The following CNTN5 variants were observed in gnomAD, a reference collection of about 807,000 sequenced individuals.
CNTN5 encodes the protein contactin-5.
CNTN5 carries 77 observed loss-of-function variants against 129.1 expected under a neutral mutation model. The observed-to-expected ratio is 0.60, with a 90% CI of 0.50 to 0.72. The LOEUF (loss-of-function observed/expected upper bound fraction) is 0.72, where lower values mean the gene tolerates loss of function less well. Among genes scored for constraint, CNTN5 ranks in the 30% least tolerant of loss-of-function variants. The pLI, the probability that CNTN5 is intolerant of heterozygous loss-of-function variation, is 0.00. For synonymous variants in CNTN5, 509 were observed against 465.6 expected (o/e 1.09, Z -1.20); for missense variants, 1,478 against 1,328.8 (o/e 1.11, Z -1.75).
At chr11:100,167,895 T>G (rs1352998871) in intron 13 of CNTN5, among the ~76,000 whole-genome samples, 1 of 151,990 alleles carries the variant, frequency 6.6e-6, no homozygotes, top group East Asian at 1.9e-4. Context: ...GGAAAAGTCC[T>G]GGACAGAATT....
chr11:100,230,815 A>G (rs75851710), intron 16 of CNTN5, among the ~76,000 whole-genome samples: 2,969 of 152,296 alleles, frequency 0.019, 82 homozygotes, highest in African/African-American at 0.066. Flanking sequence ...AAATATTCTG[A>G]CTTCACTCTT....
intron 3 of CNTN5, among the ~76,000 whole-genome samples, chr11:99,751,349 T>A (rs1944229381): frequency 6.6e-6 from 1 of 151,864 alleles, no homozygotes; most frequent in Non-Finnish European, 1.5e-5. Context: ...AAAAATAAAT[T>A]AATTAATTCA....
At chr11:99,153,942 G>A (rs1025100972) in intron 1 of CNTN5, among the ~76,000 whole-genome samples, 1 of 151,254 alleles carries the variant, frequency 6.6e-6, no homozygotes, top group Non-Finnish European at 1.5e-5. Context: ...CTCCTGGGCT[G>A]CATCCTCTAA....
At chr11:99,844,791 AAAAC>A in intron 4 of CNTN5, 57 bp from the exon 5 acceptor site, 1 of 1,520,620 alleles carries the variant, frequency 6.6e-7, no homozygotes, top group Non-Finnish European at 8.9e-7. Context: ...GGAAAAGAAA[AAAAC>A]ACAAAATATC....
chr11:99,091,127 A>C (rs1028230575), intron 1 of CNTN5, among the ~76,000 whole-genome samples: 3 of 151,872 alleles, frequency 2.0e-5, no homozygotes, highest in African/African-American at 4.8e-5. Context: ...AGTGATAAAG[A>C]TGTGCCATTT....
chr11:99,076,599 T>A (rs766239613), intron 1 of CNTN5, among the ~76,000 whole-genome samples: 3 of 152,114 alleles, frequency 2.0e-5, no homozygotes, highest in African/African-American at 4.8e-5. Context: ...TGAAGCTTTT[T>A]AAAAAATAGA....
intron 2 of CNTN5, among the ~76,000 whole-genome samples, chr11:99,518,889 T>C (rs1448435473): frequency 6.6e-6 from 1 of 152,070 alleles, no homozygotes; most frequent in Non-Finnish European, 1.5e-5. Context: ...TGAATTAGCC[T>C]CCTAATTTAT....
chr11:99,494,425 C>G (rs1047386916), intron 2 of CNTN5, among the ~76,000 whole-genome samples: 1 of 152,038 alleles, frequency 6.6e-6, no homozygotes, highest in African/African-American at 2.4e-5. Context: ...AACTGTATAC[C>G]TTTTATCCTT....
intron 18 of CNTN5, among the ~76,000 whole-genome samples, chr11:100,272,515 G>C (rs1349493599): frequency 6.6e-6 from 1 of 151,936 alleles, no homozygotes; most frequent in African/African-American, 2.4e-5. Flanking sequence ...AAGGAGAATG[G>C]AGGAAGGGAG....
At chr11:99,520,210 C>T (rs981034249) in intron 2 of CNTN5, among the ~76,000 whole-genome samples, 1 of 152,052 alleles carries the variant, frequency 6.6e-6, no homozygotes, top group Non-Finnish European at 1.5e-5. Context: ...TTGAAATACT[C>T]TAAATATAAA....
intron 18 of CNTN5, among the ~76,000 whole-genome samples, chr11:100,275,135 G>C (rs1027318704): frequency 2.6e-5 from 4 of 151,016 alleles, no homozygotes; most frequent in Admixed American, 2.0e-4. Flanking sequence ...TGTTGGAAAA[G>C]GTTCATCCAC....
At chr11:100,047,794 A>G (rs1417560765) in intron 9 of CNTN5, among the ~76,000 whole-genome samples, 4 of 152,266 alleles carry the variant, frequency 2.6e-5, no homozygotes, top group Admixed American at 2.0e-4. Flanking sequence ...CATCAGTGTG[A>G]GAGGACATTA....
intron 2 of CNTN5, among the ~76,000 whole-genome samples, chr11:99,369,214 T>TA (rs1379720731): frequency 0.029 from 1,643 of 57,266 alleles, 30 homozygotes; most frequent in African/African-American, 0.1. Context: ...ATATATTATA[T>TA]ATAATATATA....
At chr11:100,239,098 G>C (rs542946319) in intron 16 of CNTN5, among the ~76,000 whole-genome samples, 2 of 152,192 alleles carry the variant, frequency 1.3e-5, no homozygotes. Context: ...TCTTGCATTC[G>C]TTTCCTGAAG....
At chr11:100,275,068 G>GT (rs200176565) in intron 18 of CNTN5, among the ~76,000 whole-genome samples, 1 of 145,896 alleles carries the variant, frequency 6.9e-6, no homozygotes, top group South Asian at 2.3e-4. Context: ...AAGATGTTCA[G>GT]TTTTTTTCCA....
intron 1 of CNTN5, among the ~76,000 whole-genome samples, chr11:99,037,698 G>A (rs2135123294): frequency 6.7e-6 from 1 of 148,880 alleles, no homozygotes. Flanking sequence ...CTCTGCCTCA[G>A]CGTCCCAAGT....
At chr11:99,878,730 C>A (rs117234585) in intron 6 of CNTN5, among the ~76,000 whole-genome samples, 5,882 of 152,062 alleles carry the variant, frequency 0.039, 196 homozygotes, top group East Asian at 0.16. Flanking sequence ...GTGGCGCGTG[C>A]CTGTAGTCCC....
chr11:100,059,630 C>A (rs1245518585), intron 9 of CNTN5, among the ~76,000 whole-genome samples: 1 of 151,956 alleles, frequency 6.6e-6, no homozygotes, highest in Non-Finnish European at 1.5e-5. Flanking sequence ...AAATATTAAG[C>A]AATAAAATAC....
At chr11:99,528,901 T>TAA (rs35945785) in intron 2 of CNTN5, among the ~76,000 whole-genome samples, 1,696 of 145,508 alleles carry the variant, frequency 0.012, 31 homozygotes, top group East Asian at 0.089. Context: ...CCGTTTCTAC[T>TAA]AAAAAAAAAA....
Sources: allele counts gnomAD v4.1 joint callset (sites outside exome capture counted in the v4.1 genomes callset), GRCh38; gene constraint gnomAD v4.1.1; transcripts MANE v1.5; gene names NCBI Gene and HGNC (gene_info 2026-07-23, HGNC 2026-07-21).